Variants in TFCP2 observed in about 807,000 individuals in gnomAD.
The protein encoded by TFCP2 is alpha-globin transcription factor CP2.
In TFCP2, 33 loss-of-function variants were observed where a neutral mutation model predicts 73.4. The observed-to-expected ratio is 0.45, with a 90% CI of 0.34 to 0.60. TFCP2 has a LOEUF of 0.60. Ranked by LOEUF, TFCP2 falls within the 20% of genes least tolerant of loss-of-function variation. The pLI is 0.01. For missense variants in TFCP2, 352 were observed against 604.0 expected, an observed-to-expected ratio of 0.58 and a Z score of 4.37; for synonymous variants, 193 against 211.6, an observed-to-expected ratio of 0.91 and a Z score of 0.76.
intron 1 of TFCP2, among the ~76,000 whole-genome samples, chr12:51,126,912 G>A (rs1001033701): frequency 2.0e-5 from 3 of 152,186 alleles, no homozygotes; most frequent in African/African-American, 7.2e-5. Flanking sequence ...TTGTGGGAAG[G>A]ATGTAAGGTC....
intron 1 of TFCP2, among the ~76,000 whole-genome samples, chr12:51,119,252 T>C (rs1566208872): frequency 6.6e-6 from 1 of 152,224 alleles, no homozygotes; most frequent in African/African-American, 2.4e-5. Flanking sequence ...TTCTGTGGAA[T>C]AACAACTAAT....
At chr12:51,164,332 C>T (rs1485754816) in intron 1 of TFCP2, among the ~76,000 whole-genome samples, 1 of 152,152 alleles carries the variant, frequency 6.6e-6, no homozygotes, top group African/African-American at 2.4e-5. Context: ...GGTATGGTGG[C>T]TCACGCCTGT....
intron 1 of TFCP2, among the ~76,000 whole-genome samples, chr12:51,120,177 C>CAAAAAAAAAAAA (rs33982936): frequency 5.2e-5 from 3 of 57,304 alleles, no homozygotes; most frequent in Non-Finnish European, 6.0e-5. Context: ...GACTCTGTCT[C>CAAAAAAAAAAAA]AAAAAAAAAA....
chr12:51,164,892 C>G (rs1941722041), intron 1 of TFCP2, among the ~76,000 whole-genome samples: 1 of 152,068 alleles, frequency 6.6e-6, no homozygotes, highest in Non-Finnish European at 1.5e-5. Context: ...AAAAACCTCC[C>G]AACAAAGAAA....
chr12:51,106,644 C>T (rs374733496), intron 7 of TFCP2, 31 bp from the exon 8 acceptor site: 226 of 1,569,490 alleles, frequency 1.4e-4, no homozygotes, highest in East Asian at 2.9e-4. Context: ...AGATAATGAA[C>T]GAGCACATAT....
At chr12:51,134,132 GTTC>G (rs1243903367) in intron 1 of TFCP2, among the ~76,000 whole-genome samples, 1 of 152,062 alleles carries the variant, frequency 6.6e-6, no homozygotes, top group Non-Finnish European at 1.5e-5. Context: ...CTTGTCACAT[GTTC>G]TTTAGTTTTG....
intron 14 of TFCP2, 34 bp from the exon 15 acceptor site, chr12:51,095,312 T>C (rs1398436053): frequency 6.2e-7 from 1 of 1,606,626 alleles, no homozygotes; most frequent in East Asian, 2.2e-5. Context: ...GAATCATCTT[T>C]AGTCACCTCT....
intron 1 of TFCP2, among the ~76,000 whole-genome samples, chr12:51,150,782 C>T (rs1173391230): frequency 6.6e-6 from 1 of 152,218 alleles, no homozygotes; most frequent in African/African-American, 2.4e-5. Flanking sequence ...TGCTATAGTA[C>T]TTGCCTTTTT....
At chr12:51,112,601 T>C (rs1052554735) in intron 4 of TFCP2, among the ~76,000 whole-genome samples, 11 of 152,294 alleles carry the variant, frequency 7.2e-5, no homozygotes, top group African/African-American at 2.4e-4. Context: ...GCGTGGTGGC[T>C]CACGCCTGCA....
At chr12:51,131,872 C>T (rs1348548627) in intron 1 of TFCP2, among the ~76,000 whole-genome samples, 2 of 152,126 alleles carry the variant, frequency 1.3e-5, no homozygotes, top group Admixed American at 6.6e-5. Flanking sequence ...AGTGTTTCAG[C>T]AGCAGTAAAT....
In TFCP2 at chr12:51,118,689, T is replaced by C. The variant is rs766483884; in HGVS notation, c.206A>G (p.Tyr69Cys). The change falls in exon 2 of 15, where the codon TAT (tyrosine) becomes TGT (cysteine). Residue 69 changes from tyrosine to cysteine, a missense_variant. By Grantham distance (194) the Tyr-to-Cys change is radical. Transcript: ENST00000257915. ...TGGAGAGGTAGCAGCACAAAGCACATATTGAAAAGGCAGGATTTTATTCTC... is the reference window on the plus strand; with the variant it reads ...TGGAGAGGTAGCAGCACAAAGCACACATTGAAAAGGCAGGATTTTATTCTC... ...DNENKILPFQ[Y>C]VLCAATSPAV... 3.7e-6 allele frequency: 6 copies of C among 1,614,130 alleles called. No homozygotes were observed. Among genetic ancestry groups the C allele is most frequent in the Admixed American group, 1.7e-5 (1 of 60,000 alleles).
intron 1 of TFCP2, among the ~76,000 whole-genome samples, chr12:51,141,994 G>C (rs1279106144): frequency 6.6e-6 from 1 of 151,090 alleles, no homozygotes; most frequent in Non-Finnish European, 1.5e-5. Context: ...CACGAGGTCA[G>C]GAGTTTGAGA....
chr12:51,170,128 G>A (rs1318076597), intron 1 of TFCP2, among the ~76,000 whole-genome samples: 1 of 152,182 alleles, frequency 6.6e-6, no homozygotes, highest in Non-Finnish European at 1.5e-5. Context: ...TCATGTGTAA[G>A]TTCAGGGTCA....
intron 3 of TFCP2, 113 bp from the exon 4 acceptor site, chr12:51,116,533 A>G: frequency 2.0e-6 from 1 of 492,502 alleles, no homozygotes; most frequent in Non-Finnish European, 3.6e-6. Flanking sequence ...ATCTAAAATT[A>G]TTTTTCTTAA....
rs956752248 is a variant in TFCP2, at chr12:51,168,894, C to T, written c.122+3407G>A. Among the ~76,000 whole-genome samples, 6 of 151,894 alleles carry T rather than the reference C, an allele frequency of 4.0e-5. No homozygotes were observed. In the East Asian group the frequency reaches 5.9e-4, roughly 15 times the overall value. ...TCAGCTCATTGCAACTTCCGCCTCC[C>T]GGGTTCATGCAAGTCTCCTGCCTCA... On this transcript the variant is annotated intron_variant, in intron 1 of 14. Coordinates refer to ENST00000257915, the MANE Select transcript of TFCP2 (RefSeq NM_005653.5).
At chr12:51,106,187 G>A (rs1222403995) in intron 8 of TFCP2, among the ~76,000 whole-genome samples, 1 of 152,102 alleles carries the variant, frequency 6.6e-6, no homozygotes, top group Non-Finnish European at 1.5e-5. Flanking sequence ...GTATGATCAG[G>A]AAATGAAATA....
chr12:51,148,335 G>C (rs1447806700), intron 1 of TFCP2, among the ~76,000 whole-genome samples: 1 of 152,170 alleles, frequency 6.6e-6, no homozygotes, highest in South Asian at 2.1e-4. Flanking sequence ...ACTTGCACAC[G>C]CATGTTTATA....
Position 51,156,348 on chromosome 12 carries a change from G to C in TFCP2, c.122+15953C>G, listed in dbSNP as rs191995065. Among the ~76,000 whole-genome samples the C allele has an allele frequency of 1.4e-3, 217 of 152,022 alleles. 1 individual carries two copies. The highest frequency in any genetic ancestry group is 6.0e-3 in the East Asian group (31 of 5,134). On this transcript the variant is annotated intron_variant, in intron 1 of 14. Coordinates refer to ENST00000257915, the MANE Select transcript of TFCP2 (RefSeq NM_005653.5). ...ACATGGCAACAGAGGAAGCAAGGGG[G>C]GGGGAGGTGCCACACTTAAACAACC...
At chr12:51,150,874 A>C (rs1303114378) in intron 1 of TFCP2, among the ~76,000 whole-genome samples, 1 of 152,242 alleles carries the variant, frequency 6.6e-6, no homozygotes, top group Non-Finnish European at 1.5e-5. Flanking sequence ...CAGTAGGCAG[A>C]GGGTAGAGAA....
Sources: allele counts gnomAD v4.1 joint callset (sites outside exome capture counted in the v4.1 genomes callset), GRCh38; gene constraint gnomAD v4.1.1; transcripts MANE v1.5; gene names NCBI Gene and HGNC (gene_info 2026-07-23, HGNC 2026-07-21).